STAT5A: variants seen among roughly 807,000 people sequenced by gnomAD.
The protein encoded by STAT5A is signal transducer and activator of transcription 5A.
Under a neutral mutation model 100.2 loss-of-function variants are expected in STAT5A, and 26 were observed. The observed-to-expected ratio is 0.26, with a 90% CI of 0.19 to 0.36. STAT5A has a LOEUF of 0.36. Ranked by LOEUF, STAT5A falls within the 10% of genes least tolerant of loss-of-function variation. The pLI is 1.00. For missense variants in STAT5A, 634 were observed against 1,027.5 expected, an observed-to-expected ratio of 0.62 and a Z score of 5.24; for synonymous variants, 330 against 424.3, an observed-to-expected ratio of 0.78 and a Z score of 2.73.
intron 5 of STAT5A, among the ~76,000 whole-genome samples, chr17:42,296,388 G>T (rs2080918335): frequency 1.3e-5 from 2 of 152,148 alleles, no homozygotes; most frequent in Non-Finnish European, 2.9e-5. Context: ...TGGCTCCCAT[G>T]ATAAAGATGT....
chr17:42,299,231 G>T (rs549343213), intron 5 of STAT5A, among the ~76,000 whole-genome samples: 7 of 152,276 alleles, frequency 4.6e-5, no homozygotes, highest in African/African-American at 1.7e-4. Flanking sequence ...ACCTCACACA[G>T]AGCTCACCCA....
At position 42,311,920 on chromosome 17, in the gene STAT5A, G is replaced by A. The variant is rs549785396; in HGVS notation, c.*1251G>A. ...CACACATTTGTGTAAACAGTGTTTT[G>A]GAATAAAATATTTTTTTCATAAATT... On this transcript the variant is annotated 3_prime_UTR_variant, in exon 19 of 19. Transcript: ENST00000590949. 1 of 152,906 alleles carries A rather than the reference G, an allele frequency of 6.5e-6. No homozygotes were observed. The highest frequency in any genetic ancestry group is 1.5e-5 in the Non-Finnish European group (1 of 68,034). The allele number at this position is 152,906 out of a possible 1,614,324, so 9.5% of individuals were successfully genotyped here.
At chr17:42,288,437 A>G (rs978904509), upstream of STAT5A, 5 of 152,504 alleles carry the variant, frequency 3.3e-5, no homozygotes, top group African/African-American at 4.8e-5. This position sits in a 1 kb window ranked among gnomAD's most constrained non-coding sequence, Gnocchi z 4.8. Flanking sequence ...CGCGCTGTGT[A>G]TGGTCTATCG....
rs1181467234 is a variant in STAT5A, at chr17:42,290,031, A to G, written c.285+9A>G. ...ACGCCACGCAGCTCCAGGTGGGTGTAGGCTCTGGGCCACCTACGGGGAGGA... is the reference window on the plus strand; with the variant it reads ...ACGCCACGCAGCTCCAGGTGGGTGTGGGCTCTGGGCCACCTACGGGGAGGA... On this transcript the variant is annotated intron_variant, in intron 3 of 18. Transcript: ENST00000590949. The G allele has an allele frequency of 4.4e-6, 7 of 1,607,178 alleles. No individual in the cohort carries two copies. In the South Asian group the frequency reaches 5.6e-5, roughly 13 times the overall value.
At chr17:42,297,536 A>G (rs939798933) in intron 5 of STAT5A, among the ~76,000 whole-genome samples, 1 of 151,850 alleles carries the variant, frequency 6.6e-6, no homozygotes, top group Non-Finnish European at 1.5e-5. Flanking sequence ...TGCTTTTGCC[A>G]GGGAAGGCTC....
At chr17:42,295,911 G>A in intron 5 of STAT5A, 118 bp downstream of exon 5, 1 of 1,465,066 alleles carries the variant, frequency 6.8e-7, no homozygotes, top group East Asian at 2.5e-5. Flanking sequence ...CCAAAGCCTG[G>A]TAGAAGCAAT....
At position 42,301,241 on chromosome 17, in the gene STAT5A, C is replaced by T. The variant is rs371526664; in HGVS notation, c.990-34C>T. 33 of 1,604,494 alleles carry T rather than the reference C, an allele frequency of 2.1e-5. No homozygotes were observed. In the African/African-American group the frequency reaches 3.7e-4, roughly 18 times the overall value. ...GAGAGCCCTTTCCCCTGCGCCAACC[C>T]CTCATCGTGTGTCTGTCCCTGTGTC... On this transcript the variant is annotated intron_variant, in intron 8 of 18. Coordinates refer to ENST00000590949, the MANE Select transcript of STAT5A (RefSeq NM_001288718.2).
chr17:42,298,152 G>A (rs9916125), intron 5 of STAT5A, among the ~76,000 whole-genome samples: 2 of 150,670 alleles, frequency 1.3e-5, no homozygotes, highest in East Asian at 1.9e-4. Context: ...TGTGTCTTAC[G>A]TATTTCATAA....
chr17:42,310,574 G>A lies in STAT5A; in HGVS notation c.2290G>A (p.Val764Met), dbSNP rs1029737475. The change falls in exon 19 of 19, where the codon GTG becomes ATG. Residue 764 changes from valine to methionine, a missense_variant. By Grantham distance (21) the Val-to-Met change is conservative. This residue lies in a region of STAT5A where 88 missense variants were observed against 95.1 expected (regional missense o/e 0.92). Transcript: ENST00000590949. ...TGAGACCATGGATGTGGCCAGGCAC[G>A]TGGAGGAACTCTTACGCCGACCAAT... ...LDETMDVARH[V>M]EELLRRPMDS... is the part of the protein sequence containing the mutation. 5 of 1,614,116 alleles carry A rather than the reference G, an allele frequency of 3.1e-6. No individual in the cohort carries two copies. Among genetic ancestry groups the A allele is most frequent in the East Asian group, 2.2e-5 (1 of 44,896 alleles).
At chr17:42,295,907 C>T in intron 5 of STAT5A, 114 bp downstream of exon 5, 4 of 1,484,538 alleles carry the variant, frequency 2.7e-6, no homozygotes, top group Non-Finnish European at 2.7e-6. Context: ...TTGCCCAAAG[C>T]CTGGTAGAAG....
chr17:42,299,326 G>A (rs1161237962), intron 5 of STAT5A, among the ~76,000 whole-genome samples: 1 of 152,314 alleles, frequency 6.6e-6, no homozygotes, highest in Non-Finnish European at 1.5e-5. Flanking sequence ...AGAATCTCCC[G>A]TTTTACACGT....
rs773581830 is a variant in STAT5A, at chr17:42,306,305, T to C, written c.1538T>C (p.Met513Thr). 11 of 1,614,052 alleles carry C rather than the reference T, an allele frequency of 6.8e-6. No homozygotes were observed. The Admixed American group carries it at 1.3e-4, about 20-fold the overall frequency. Residue 513 changes from methionine (M) to threonine (T), a missense_variant, in exon 13 of 19, where the codon ATG becomes ACG. Met to Thr is a moderately conservative substitution (Grantham distance 81). Coordinates refer to ENST00000590949, the MANE Select transcript of STAT5A (RefSeq NM_001288718.2). ...CCGCAGCTGTGTGAGGCGCTCAACA[T>C]GAAATTCAAGGCCGAAGTGCAGAGC... ...LWPQLCEALN[M>T]KFKAEVQSNR...
In STAT5A at chr17:42,309,154, C is replaced by T. The variant is rs140717439; in HGVS notation, c.2114+56C>T. 1.4e-4 allele frequency: 224 copies of T among 1,612,336 alleles called. 1 individual carries two copies. In the East Asian group the frequency reaches 4.6e-3, roughly 33 times the overall value. On this transcript the variant is annotated intron_variant, in intron 17 of 18. Coordinates refer to ENST00000590949, the MANE Select transcript of STAT5A (RefSeq NM_001288718.2). ...CTGCCTCTTTCCTCCTCCCCCAGACCCTGCCTCCCATCCTGATCCTGGGCC... is the reference window on the plus strand; with the variant it reads ...CTGCCTCTTTCCTCCTCCCCCAGACTCTGCCTCCCATCCTGATCCTGGGCC...
At chr17:42,303,062 A>G (rs2080996475) in intron 9 of STAT5A, among the ~76,000 whole-genome samples, 1 of 151,972 alleles carries the variant, frequency 6.6e-6, no homozygotes, top group Non-Finnish European at 1.5e-5. Context: ...CCTGGCCAAC[A>G]TGGTGAAACC....
chr17:42,289,478 G>C lies in STAT5A; in HGVS notation c.67G>C (p.Gly23Arg). 1 of 1,613,222 alleles carries C rather than the reference G, an allele frequency of 6.2e-7. No homozygotes were observed. The highest frequency in any genetic ancestry group is 8.5e-7 in the Non-Finnish European group (1 of 1,179,950). ...DALRQMQVLY[G>R]QHFPIEVRHY... ...GCTGCGCCAGATGCAGGTGCTGTAC[G>C]GCCAGCACTTCCCCATCGAGGTCCG... Residue 23 changes from glycine to arginine, a missense_variant, in exon 2 of 19, where the codon GGC (glycine) becomes CGC (arginine). Gly to Arg is a moderately radical substitution (Grantham distance 125). This residue lies in a region of STAT5A where 207 missense variants were observed against 256.6 expected (regional missense o/e 0.81). Transcript: ENST00000590949.
At chr17:42,310,400 G>A (rs2081068843) in intron 18 of STAT5A, 107 bp from the exon 19 acceptor site, 2 of 1,313,690 alleles carry the variant, frequency 1.5e-6, no homozygotes, top group African/African-American at 1.4e-5. Flanking sequence ...AACTGGTCCT[G>A]TTCTCATGAG....
At position 42,304,745 on chromosome 17, in the gene STAT5A, C is replaced by T; in HGVS notation, c.1380+93C>T. On this transcript the variant is annotated intron_variant, in intron 11 of 18. Transcript: ENST00000590949. This position sits in a 1 kb window ranked among gnomAD's most constrained non-coding sequence, Gnocchi z 4.8. The stretch of plus-strand genomic sequence containing the variant: ...GACTCCTGGCAGCAATGCCATCGGA[C>T]AGCCTGCTTTGACTCTGTGGGTCCC... The T allele has an allele frequency of 6.4e-7, 1 of 1,568,364 alleles. No individual in the cohort carries two copies. Among genetic ancestry groups the T allele is most frequent in the Non-Finnish European group, 8.7e-7 (1 of 1,155,338 alleles).
At chr17:42,309,353 A>G in intron 17 of STAT5A, 24 bp from the exon 18 acceptor site, 2 of 1,611,480 alleles carry the variant, frequency 1.2e-6, no homozygotes, top group Non-Finnish European at 1.7e-6. Context: ...TGGTGGCTGA[A>G]GCTCTGTTCT....
chr17:42,303,445 C>T (rs922270219), intron 9 of STAT5A, among the ~76,000 whole-genome samples: 3 of 152,060 alleles, frequency 2.0e-5, no homozygotes, highest in Non-Finnish European at 2.9e-5. Context: ...CACAGTGGCT[C>T]ACGCCTGTAA....
Sources: gnomAD v4.1 joint callset for allele counts (sites outside exome capture counted in the v4.1 genomes callset) on GRCh38, gnomAD v4.1.1 for gene constraint, gnomAD v4.1.1 regional missense constraint, Gnocchi (gnomAD v3.1) non-coding constraint, MANE v1.5 for transcripts, NCBI Gene and HGNC (gene_info 2026-07-23, HGNC 2026-07-21) for gene names.